The following SNTG2 variants were observed in gnomAD, a reference collection of about 807,000 sequenced individuals.
SNTG2 encodes the protein gamma-2-syntrophin.
In SNTG2, 74 loss-of-function variants were observed where a neutral mutation model predicts 70.9. The ratio of observed to expected loss-of-function variants is 1.04; its 90% CI spans 0.86 to 1.27. The LOEUF (loss-of-function observed/expected upper bound fraction) is 1.27, where lower values mean the gene tolerates loss of function less well. Ranked by LOEUF, SNTG2 falls within the 50% of genes most tolerant of loss-of-function variation. The pLI, the probability that SNTG2 is intolerant of heterozygous loss-of-function variation, is 0.00. For synonymous variants in SNTG2, 278 were observed against 273.8 expected, an observed-to-expected ratio of 1.02 and a Z score of -0.15; for missense variants, 717 against 690.7, an observed-to-expected ratio of 1.04 and a Z score of -0.43.
At chr2:1,250,465 C>G (rs1364147691) in intron 12 of SNTG2, among the ~76,000 whole-genome samples, 2 of 152,084 alleles carry the variant, frequency 1.3e-5, no homozygotes, top group Non-Finnish European at 2.9e-5. Flanking sequence ...CTCTCTCTGT[C>G]TGACTCTCTC....
chr2:950,919 G>A lies in SNTG2; in HGVS notation c.-78G>A. 1.4e-6 allele frequency: 1 copy of A among 698,788 alleles called. No homozygotes were observed. Among genetic ancestry groups the A allele is most frequent in the Non-Finnish European group, 1.9e-6 (1 of 520,340 alleles). 43.3% of individuals were successfully genotyped at this position (698,788 alleles called of 1,614,324 possible). On this transcript the variant is annotated 5_prime_UTR_variant, in exon 1 of 17. Coordinates refer to ENST00000308624, the MANE Select transcript of SNTG2 (RefSeq NM_018968.4). ...GCGGGCGCGGACGCGGCGCCTGGCG[G>A]GGCCCTGGGAGGCTCGGACGGGGTC...
At chr2:974,650 A>G (rs1660852611) in intron 1 of SNTG2, among the ~76,000 whole-genome samples, 1 of 152,044 alleles carries the variant, frequency 6.6e-6, no homozygotes, top group Non-Finnish European at 1.5e-5. Context: ...AAGTTTCTAA[A>G]ATGTTGCTGG....
intron 2 of SNTG2, among the ~76,000 whole-genome samples, chr2:1,093,170 A>G (rs1181354128): frequency 6.6e-6 from 1 of 152,184 alleles, no homozygotes; most frequent in Non-Finnish European, 1.5e-5. Context: ...ATTCATAATG[A>G]GCCTCGGGGC....
intron 8 of SNTG2, among the ~76,000 whole-genome samples, chr2:1,189,843 G>A (rs988553488): frequency 7.2e-5 from 11 of 152,104 alleles, no homozygotes; most frequent in Admixed American, 3.3e-4. Context: ...CACCGTGCCC[G>A]GCCGGGACTC....
chr2:1,355,286 A>C (rs931650901), intron 16 of SNTG2, among the ~76,000 whole-genome samples: 1 of 152,220 alleles, frequency 6.6e-6, no homozygotes, highest in African/African-American at 2.4e-5. Context: ...GTTGCTGTGC[A>C]GCTGATCCCT....
chr2:1,137,217 A>G (rs1397588324), intron 4 of SNTG2, among the ~76,000 whole-genome samples: 2 of 150,988 alleles, frequency 1.3e-5, no homozygotes, highest in East Asian at 3.9e-4. Flanking sequence ...CATCCATGGC[A>G]CACACATCAA....
chr2:1,238,865 C>T (rs954013517), intron 10 of SNTG2, among the ~76,000 whole-genome samples: 10 of 152,204 alleles, frequency 6.6e-5, no homozygotes, highest in African/African-American at 2.2e-4. Context: ...GCAGATGCAC[C>T]CGCCCTGCCC....
chr2:1,365,568 C>CG (rs1661433392), intron 16 of SNTG2, among the ~76,000 whole-genome samples: 1 of 152,074 alleles, frequency 6.6e-6, no homozygotes, highest in African/African-American at 2.4e-5. Context: ...AGTCCTCTTC[C>CG]GGCAGGCTGG....
intron 1 of SNTG2, among the ~76,000 whole-genome samples, chr2:986,106 A>AGAGAGAGAGATC (rs1380190045): frequency 2.1e-5 from 3 of 146,050 alleles, no homozygotes; most frequent in Non-Finnish European, 4.5e-5. Flanking sequence ...AGAGAGAGAG[A>AGAGAGAGAGATC]GAGATCAGAG....
intron 9 of SNTG2, among the ~76,000 whole-genome samples, chr2:1,230,361 G>T (rs1676131337): frequency 6.6e-6 from 1 of 152,120 alleles, no homozygotes; most frequent in Admixed American, 6.5e-5. Context: ...CTGGGGGCCG[G>T]GACTCAGGAG....
intron 16 of SNTG2, among the ~76,000 whole-genome samples, chr2:1,352,185 C>T (rs1190824465): frequency 6.6e-6 from 1 of 152,238 alleles, no homozygotes; most frequent in Non-Finnish European, 1.5e-5. Context: ...TCATTTACTC[C>T]TCCAAGGTGC....
chr2:1,035,918 A>G (rs1661103741), intron 1 of SNTG2, among the ~76,000 whole-genome samples: 1 of 152,240 alleles, frequency 6.6e-6, no homozygotes, highest in South Asian at 2.1e-4. Flanking sequence ...CTGTCCGCCA[A>G]TAATGATAAT....
In SNTG2 at chr2:1,098,197, G is replaced by A. The variant is rs138780480; in HGVS notation, c.212G>A (p.Arg71His). Reference protein sequence around the residue: ...CVGGSHQGRNRRTVTLRRQPV... With the variant: ...CVGGSHQGRNHRTVTLRRQPV... Reference sequence around the variant, plus strand: ...TTTGTTTTCTAAAATGTTTTAAAGCGCAGAACTGTTACACTCCGCAGACAG... The same window carrying A: ...TTTGTTTTCTAAAATGTTTTAAAGCACAGAACTGTTACACTCCGCAGACAG... The change falls in exon 3 of 17, where the codon CGC becomes CAC. Residue 71 changes from arginine (R) to histidine (H), a missense_variant and splice_region_variant. Arg to His is a conservative substitution (Grantham distance 29, BLOSUM62 0). Coordinates refer to ENST00000308624, the MANE Select transcript of SNTG2 (RefSeq NM_018968.4). 17 of 1,613,822 alleles carry A rather than the reference G, an allele frequency of 1.1e-5. No individual in the cohort carries two copies. The Admixed American group carries it at 1.3e-4, about 13-fold the overall frequency.
intron 16 of SNTG2, among the ~76,000 whole-genome samples, chr2:1,364,254 T>C (rs958976345): frequency 1.2e-4 from 18 of 149,450 alleles, no homozygotes; most frequent in African/African-American, 4.2e-4. Context: ...AGTGCTGGGA[T>C]TACAGGCGTG....
chr2:1,110,478 C>G (rs912479704), intron 4 of SNTG2, among the ~76,000 whole-genome samples: 36 of 152,186 alleles, frequency 2.4e-4, no homozygotes, highest in African/African-American at 8.4e-4. Context: ...AATACCTTCT[C>G]CTCTGCCTCC....
chr2:1,270,622 A>T (rs1678969557), intron 14 of SNTG2, among the ~76,000 whole-genome samples: 1 of 152,230 alleles, frequency 6.6e-6, no homozygotes, highest in Non-Finnish European at 1.5e-5. Flanking sequence ...TGAAACATTC[A>T]GCCTCACATG....
chr2:952,519 TATTA>T (rs1222835712), intron 1 of SNTG2, among the ~76,000 whole-genome samples: 4 of 152,256 alleles, frequency 2.6e-5, no homozygotes, highest in Non-Finnish European at 4.4e-5. Context: ...TTGCGCTCAG[TATTA>T]ATTAAGGTGC....
At chr2:1,237,776 C>G in intron 9 of SNTG2, 112 bp from the exon 10 acceptor site, 1 of 1,362,968 alleles carries the variant, frequency 7.3e-7, no homozygotes, top group South Asian at 1.5e-5. Flanking sequence ...GTGCAGTTGC[C>G]CCATGTCCTG....
chr2:1,069,531 G>T (rs1384096435), intron 1 of SNTG2, among the ~76,000 whole-genome samples: 1 of 151,700 alleles, frequency 6.6e-6, no homozygotes, highest in Non-Finnish European at 1.5e-5. Flanking sequence ...AGTGGCTCAT[G>T]CCTGTAATCT....
Sources: gnomAD v4.1 joint callset for allele counts (sites outside exome capture counted in the v4.1 genomes callset) on GRCh38, gnomAD v4.1.1 for gene constraint, MANE v1.5 for transcripts, NCBI Gene and HGNC (gene_info 2026-07-23, HGNC 2026-07-21) for gene names.